The following FHOD3 variants were observed in gnomAD, a reference collection of about 807,000 sequenced individuals.
FHOD3 encodes formin homology 2 domain containing 3, also known as FH1/FH2 domain-containing protein 3.
A neutral mutation model predicts 173.0 loss-of-function variants in FHOD3; 90 were observed. The ratio of observed to expected loss-of-function variants is 0.52; its 90% CI spans 0.44 to 0.62. FHOD3 has a LOEUF of 0.62. FHOD3 is among the 20% of genes least tolerant of loss of function. FHOD3 has a pLI of 0.00. For missense variants in FHOD3, 1,945 were observed against 2,034.7 expected (o/e 0.96, Z 0.85); for synonymous variants, 828 against 823.0 (o/e 1.01, Z -0.10).
intron 5 of FHOD3, among the ~76,000 whole-genome samples, chr18:36,525,252 C>G (rs557154048): frequency 6.6e-6 from 1 of 152,222 alleles, no homozygotes; most frequent in Non-Finnish European, 1.5e-5. Context: ...TAGGATGGGC[C>G]TAAATAGATG....
At chr18:36,763,111 TATATA>T (rs1284118786) in intron 27 of FHOD3, among the ~76,000 whole-genome samples, 18 of 137,572 alleles carry the variant, frequency 1.3e-4, no homozygotes, top group African/African-American at 1.8e-4. Flanking sequence ...ATACACGTTA[TATATA>T]ATATGTGTAT....
intron 4 of FHOD3, among the ~76,000 whole-genome samples, chr18:36,511,357 G>GTTT (rs760692797): frequency 9.7e-5 from 14 of 143,598 alleles, no homozygotes; most frequent in Non-Finnish European, 1.5e-4. Context: ...TCTTGCCAAT[G>GTTT]TTTTTTTTTT....
intron 3 of FHOD3, among the ~76,000 whole-genome samples, chr18:36,466,289 A>G (rs990863104): frequency 2.6e-4 from 40 of 152,054 alleles, no homozygotes; most frequent in Non-Finnish European, 5.9e-5. Flanking sequence ...ATGGGATTCC[A>G]CTCATCTGGC....
At chr18:36,664,860 G>C (rs1201327624) in intron 14 of FHOD3, among the ~76,000 whole-genome samples, 1 of 150,520 alleles carries the variant, frequency 6.6e-6, no homozygotes, top group African/African-American at 2.4e-5. Flanking sequence ...TACTGGGCTG[G>C]GCGCAGTAGC....
chr18:36,514,077 C>G (rs1411377029), intron 5 of FHOD3, among the ~76,000 whole-genome samples: 10 of 135,080 alleles, frequency 7.4e-5, no homozygotes, highest in Non-Finnish European at 1.2e-4. Context: ...GGCGCGATCT[C>G]GGCTCACTGC....
At chr18:36,581,699 C>T (rs1381517733) in intron 6 of FHOD3, among the ~76,000 whole-genome samples, 3 of 152,224 alleles carry the variant, frequency 2.0e-5, no homozygotes, top group African/African-American at 4.8e-5. Flanking sequence ...CATACATGCT[C>T]GTGCTCATGC....
intron 1 of FHOD3, among the ~76,000 whole-genome samples, chr18:36,320,988 C>T (rs909787448): frequency 3.3e-5 from 5 of 151,958 alleles, no homozygotes; most frequent in Non-Finnish European, 7.4e-5. Context: ...CCATCTCCCT[C>T]GGCCTCAGTT....
chr18:36,602,251 G>A (rs2031489830), intron 7 of FHOD3, among the ~76,000 whole-genome samples: 2 of 152,186 alleles, frequency 1.3e-5, no homozygotes, highest in African/African-American at 4.8e-5. Flanking sequence ...ATTTCTTTGA[G>A]TCACTGCTAG....
At chr18:36,420,140 C>T (rs1016065546) in intron 3 of FHOD3, among the ~76,000 whole-genome samples, 4 of 152,226 alleles carry the variant, frequency 2.6e-5, no homozygotes, top group Admixed American at 1.3e-4. Context: ...GCATTCCTTA[C>T]AGTTGTACTG....
chr18:36,495,962 A>G (rs2054724366), intron 3 of FHOD3, among the ~76,000 whole-genome samples: 1 of 152,208 alleles, frequency 6.6e-6, no homozygotes, highest in Non-Finnish European at 1.5e-5. Context: ...TTCCATAGGA[A>G]ATGGATCCAA....
At chr18:36,494,452 A>G (rs74506275) in intron 3 of FHOD3, among the ~76,000 whole-genome samples, 16,269 of 152,282 alleles carry the variant, frequency 0.11, 1,056 homozygotes, top group East Asian at 0.28. Context: ...ACCAAAGATA[A>G]GCTTCTAATT....
At chr18:36,582,403 T>C (rs1016236314) in intron 6 of FHOD3, among the ~76,000 whole-genome samples, 2 of 152,228 alleles carry the variant, frequency 1.3e-5, no homozygotes, top group Non-Finnish European at 2.9e-5. Flanking sequence ...AAGGTGTTCC[T>C]GACATCATCA....
intron 14 of FHOD3, among the ~76,000 whole-genome samples, chr18:36,677,502 C>A (rs879719012): frequency 1.3e-5 from 2 of 152,198 alleles, no homozygotes; most frequent in Non-Finnish European, 2.9e-5. Flanking sequence ...GTTAAACAGT[C>A]CATCACTTCC....
At chr18:36,721,072 G>T (rs1769367208) in intron 19 of FHOD3, among the ~76,000 whole-genome samples, 2 of 152,166 alleles carry the variant, frequency 1.3e-5, no homozygotes, top group South Asian at 2.1e-4. Flanking sequence ...AGCCTCTTTT[G>T]TCTCAGCCCA....
chr18:36,427,936 A>G (rs1428458284), intron 3 of FHOD3, among the ~76,000 whole-genome samples: 2 of 152,260 alleles, frequency 1.3e-5, no homozygotes, highest in African/African-American at 4.8e-5. Flanking sequence ...CTTAGAAATT[A>G]GAATACAAAA....
intron 3 of FHOD3, among the ~76,000 whole-genome samples, chr18:36,487,225 C>A (rs769169018): frequency 6.6e-6 from 1 of 152,252 alleles, no homozygotes; most frequent in African/African-American, 2.4e-5. Flanking sequence ...AACTATCAAA[C>A]TGCTTTCTAG....
intron 15 of FHOD3, among the ~76,000 whole-genome samples, chr18:36,685,076 C>G (rs2038516594): frequency 6.6e-6 from 1 of 152,154 alleles, no homozygotes; most frequent in Admixed American, 6.5e-5. Flanking sequence ...AAGTGCTAGA[C>G]TTATAGGCAT....
chr18:36,704,005 G>A (rs2039731386), intron 17 of FHOD3, among the ~76,000 whole-genome samples: 1 of 152,026 alleles, frequency 6.6e-6, no homozygotes, highest in Admixed American at 6.5e-5. Flanking sequence ...TCTGGTTATG[G>A]GTCCTTCCCC....
intron 3 of FHOD3, among the ~76,000 whole-genome samples, chr18:36,493,217 T>C (rs538225369): frequency 0.013 from 1,977 of 150,320 alleles, 45 homozygotes; most frequent in African/African-American, 0.045. Context: ...CTTTTTCTTT[T>C]TTTTTTTTTT....
Sources: gnomAD v4.1 joint callset for allele counts (sites outside exome capture counted in the v4.1 genomes callset) on GRCh38, gnomAD v4.1.1 for gene constraint, MANE v1.5 for transcripts, NCBI Gene and HGNC (gene_info 2026-07-23, HGNC 2026-07-21) for gene names.